The following SRGAP3 variants were observed in gnomAD, a reference collection of about 807,000 sequenced individuals.
SRGAP3 encodes SLIT-ROBO Rho GTPase-activating protein 3.
Under a neutral mutation model 121.1 loss-of-function variants are expected in SRGAP3, and 39 were observed. The ratio of observed to expected loss-of-function variants is 0.32; its 90% CI spans 0.25 to 0.42. The LOEUF is 0.42. SRGAP3 is among the 10% of genes least tolerant of loss of function. The pLI is 1.00. For missense variants in SRGAP3, 1,213 were observed against 1,470.6 expected (o/e 0.82, Z 2.86); for synonymous variants, 601 against 570.0 (o/e 1.05, Z -0.77).
intron 3 of SRGAP3, among the ~76,000 whole-genome samples, chr3:9,259,718 G>T (rs929146365): frequency 1.3e-5 from 2 of 152,102 alleles, no homozygotes; most frequent in African/African-American, 2.4e-5. Context: ...TTCTGTACCT[G>T]CACTGTCCAA....
Position 8,980,686 on chromosome 3 carries a change from T to G in SRGAP3, c.*4833A>C, listed in dbSNP as rs1941369217. The G allele has an allele frequency of 4.3e-6, 1 of 232,208 alleles. No individual in the cohort carries two copies. The highest frequency in any genetic ancestry group is 8.5e-6 in the Non-Finnish European group (1 of 117,226). 14.4% of individuals were successfully genotyped at this position (232,208 alleles called of 1,614,324 possible). On this transcript the variant is annotated 3_prime_UTR_variant, in exon 22 of 22. Transcript: ENST00000383836. ...CGCGACAGAGGATCCAATCAGACAC[T>G]CTATAGGACGGGCGTTTGGTCGTAA...
upstream of SRGAP3, among the ~76,000 whole-genome samples, chr3:9,253,205 A>C (rs575071142): frequency 6.6e-6 from 1 of 152,346 alleles, no homozygotes; most frequent in Non-Finnish European, 1.5e-5. Context: ...ACTGAAGCCC[A>C]GGTATGGCTC....
At chr3:9,216,376 T>C (rs1262412089) in intron 1 of SRGAP3, among the ~76,000 whole-genome samples, 1 of 152,160 alleles carries the variant, frequency 6.6e-6, no homozygotes, top group Admixed American at 6.5e-5. Context: ...ACTAAGCATC[T>C]GCAATATAAG....
At chr3:9,188,715 C>T (rs574833097) in intron 1 of SRGAP3, among the ~76,000 whole-genome samples, 1 of 152,334 alleles carries the variant, frequency 6.6e-6, no homozygotes, top group Non-Finnish European at 1.5e-5. Context: ...GTGATCACTT[C>T]ATTCCCTCCT....
chr3:9,140,238 C>T (rs916633685), intron 1 of SRGAP3, among the ~76,000 whole-genome samples: 1 of 152,002 alleles, frequency 6.6e-6, no homozygotes, highest in Non-Finnish European at 1.5e-5. Context: ...TATGGAGCAG[C>T]AGAGGATTGG....
At chr3:9,228,664 C>T (rs962695721) in intron 1 of SRGAP3, among the ~76,000 whole-genome samples, 1 of 152,188 alleles carries the variant, frequency 6.6e-6, no homozygotes, top group Non-Finnish European at 1.5e-5. Flanking sequence ...CTAACAGCCA[C>T]ATCCTAAGTT....
chr3:9,118,882 C>T (rs147213260), intron 2 of SRGAP3, among the ~76,000 whole-genome samples: 1,527 of 152,316 alleles, frequency 0.01, 24 homozygotes, highest in African/African-American at 0.033. Context: ...TGACACTTCA[C>T]CCAGATGGCC....
chr3:9,242,372 C>T (rs1183658638), intron 1 of SRGAP3, among the ~76,000 whole-genome samples: 5 of 152,330 alleles, frequency 3.3e-5, no homozygotes, highest in South Asian at 4.1e-4. Context: ...CAGCGGCTCA[C>T]GCCTGAAATC....
chr3:9,320,775 C>T (rs1486068602), intron 3 of SRGAP3, among the ~76,000 whole-genome samples: 1 of 151,838 alleles, frequency 6.6e-6, no homozygotes. Flanking sequence ...ACAAATTGAT[C>T]ACCTTGAACT....
At chr3:9,203,067 G>C (rs900857896) in intron 1 of SRGAP3, among the ~76,000 whole-genome samples, 1 of 152,130 alleles carries the variant, frequency 6.6e-6, no homozygotes, top group Non-Finnish European at 1.5e-5. Flanking sequence ...CATAGACACC[G>C]ATCCTGAGAG....
At chr3:9,057,338 A>G (rs1299421901) in intron 7 of SRGAP3, among the ~76,000 whole-genome samples, 1 of 152,160 alleles carries the variant, frequency 6.6e-6, no homozygotes, top group Non-Finnish European at 1.5e-5. Flanking sequence ...CGCTCTGTGG[A>G]CTGTACTAGT....
chr3:9,299,752 A>T (rs1046438820), intron 3 of SRGAP3, among the ~76,000 whole-genome samples: 100 of 152,200 alleles, frequency 6.6e-4, no homozygotes, highest in African/African-American at 2.3e-3. Flanking sequence ...TCCACTAAAA[A>T]TACAAAAATT....
rs1180578237 is a variant in SRGAP3, at chr3:9,080,010, C to A, written c.486+15G>T. On this transcript the variant is annotated intron_variant, in intron 4 of 21. Coordinates refer to ENST00000383836, the MANE Select transcript of SRGAP3 (RefSeq NM_014850.4). ...ACCCAATCCCAAAACAGCAGTGAGC[C>A]TGGGCAGAACTTACTGTGTAGAGCT... 2 of 1,613,958 alleles carry A rather than the reference C, an allele frequency of 1.2e-6. No homozygotes were observed. Among genetic ancestry groups the A allele is most frequent in the Admixed American group, 1.7e-5 (1 of 59,998 alleles).
chr3:9,043,892 G>A (rs946467299), intron 10 of SRGAP3, among the ~76,000 whole-genome samples: 1 of 152,124 alleles, frequency 6.6e-6, no homozygotes, highest in African/African-American at 2.4e-5. Context: ...CATCTTGAGT[G>A]TAAACCCTGG....
At chr3:8,999,721 C>T (rs1220850751) in intron 18 of SRGAP3, among the ~76,000 whole-genome samples, 3 of 152,180 alleles carry the variant, frequency 2.0e-5, no homozygotes, top group Non-Finnish European at 4.4e-5. Context: ...CCTCTTTTCT[C>T]CCCTTCTCAC....
chr3:9,022,801 T>C (rs1943993013), intron 14 of SRGAP3, among the ~76,000 whole-genome samples: 1 of 152,010 alleles, frequency 6.6e-6, no homozygotes, highest in Non-Finnish European at 1.5e-5. Flanking sequence ...TTTGGAACGA[T>C]GGGAAGAGGG....
rs898902213 is a variant in SRGAP3, at chr3:8,980,733, A to G, written c.*4786T>C. 1 of 232,908 alleles carries G rather than the reference A, an allele frequency of 4.3e-6. No homozygotes were observed. Among genetic ancestry groups the G allele is most frequent in the Non-Finnish European group, 8.5e-6 (1 of 117,626 alleles). 14.4% of individuals were successfully genotyped at this position (232,908 alleles called of 1,614,324 possible). A position where few individuals can be genotyped will look rare whatever the true frequency, so the allele number is the denominator to read the frequency against. On this transcript the variant is annotated 3_prime_UTR_variant, in exon 22 of 22. Coordinates refer to ENST00000383836, the MANE Select transcript of SRGAP3 (RefSeq NM_014850.4). ...GTAAGGTAGAGAAACGATATCCAGA[A>G]GAGGGCAACATTTATCATCACGTGG...
At chr3:9,197,218 T>TGCTA (rs1389195378) in intron 1 of SRGAP3, among the ~76,000 whole-genome samples, 1 of 152,242 alleles carries the variant, frequency 6.6e-6, no homozygotes, top group Non-Finnish European at 1.5e-5. Context: ...CAGATGTCAA[T>TGCTA]GCTAGAAAGG....
rs780859251 is a variant in SRGAP3, at chr3:9,248,866, C to CT, written c.67+18dup. The CT allele has an allele frequency of 1.9e-6, 3 of 1,613,846 alleles. No homozygotes were observed. Among genetic ancestry groups the CT allele is most frequent in the Non-Finnish European group, 2.5e-6 (3 of 1,179,790 alleles). On this transcript the variant is annotated intron_variant, in intron 1 of 21. Transcript: ENST00000383836. ...ACGAAAGGGGAGGAGAAGGAAAACT[C>CT]TCCCAGCCCGCATCTCACCTTTTAT...
Sources: gnomAD v4.1 joint callset for allele counts (sites outside exome capture counted in the v4.1 genomes callset) on GRCh38, gnomAD v4.1.1 for gene constraint, MANE v1.5 for transcripts, NCBI Gene and HGNC (gene_info 2026-07-23, HGNC 2026-07-21) for gene names.